The following CDS2 variants were observed in gnomAD, a reference collection of about 807,000 sequenced individuals.
The protein encoded by CDS2 is phosphatidate cytidylyltransferase 2.
Under a neutral mutation model 59.0 loss-of-function variants are expected in CDS2, and 47 were observed. That is an observed-to-expected ratio of 0.80 (90% CI 0.63 to 1.02). CDS2 has a LOEUF of 1.02. Among genes scored for constraint, CDS2 ranks in the 50% least tolerant of loss-of-function variants. The pLI is 0.00. For missense variants in CDS2, 356 were observed against 558.9 expected, an observed-to-expected ratio of 0.64 and a Z score of 3.66; for synonymous variants, 207 against 206.4, an observed-to-expected ratio of 1.00 and a Z score of -0.02.
At chr20:5,127,512 C>T (rs1262989479) in intron 1 of CDS2, among the ~76,000 whole-genome samples, 1 of 152,194 alleles carries the variant, frequency 6.6e-6, no homozygotes, top group African/African-American at 2.4e-5. Flanking sequence ...CTTAGGGAGG[C>T]GGCTCCTCTG....
intron 1 of CDS2, 150 bp from the exon 2 acceptor site, chr20:5,173,373 C>A: frequency 1.2e-6 from 1 of 801,182 alleles, no homozygotes; most frequent in Admixed American, 2.3e-5. Flanking sequence ...AGGATTGCTG[C>A]TAGTCCTGTC....
chr20:5,182,353 T>G (rs375101931), intron 5 of CDS2, 34 bp from the exon 6 acceptor site: 72 of 1,583,258 alleles, frequency 4.5e-5, no homozygotes, highest in Non-Finnish European at 6.1e-5. Flanking sequence ...CAGAACATAA[T>G]TCATTTTTCT....
chr20:5,157,205 A>G (rs527330727), intron 1 of CDS2, among the ~76,000 whole-genome samples: 55 of 152,340 alleles, frequency 3.6e-4, no homozygotes, highest in African/African-American at 1.3e-3. Context: ...GACAGTCAGC[A>G]GTTAATCTTT....
chr20:5,159,372 T>G (rs1390181444), intron 1 of CDS2, among the ~76,000 whole-genome samples: 2 of 134,740 alleles, frequency 1.5e-5, no homozygotes, highest in African/African-American at 5.6e-5. Flanking sequence ...AAATTTTATG[T>G]CAGATAATGT....
At chr20:5,153,644 G>A (rs1023083363) in intron 1 of CDS2, among the ~76,000 whole-genome samples, 1 of 152,162 alleles carries the variant, frequency 6.6e-6, no homozygotes, top group Non-Finnish European at 1.5e-5. Flanking sequence ...TGTACTGTTT[G>A]CTTTTTCCCA....
intron 10 of CDS2, chr20:5,187,524 T>G (rs2091078418): frequency 6.6e-6 from 1 of 152,232 alleles, no homozygotes; most frequent in South Asian, 2.1e-4. Context: ...TTATAATTTT[T>G]CAGACTTGGG....
intron 5 of CDS2, among the ~76,000 whole-genome samples, chr20:5,179,702 CATA>C (rs2091019837): frequency 6.6e-6 from 1 of 152,206 alleles, no homozygotes; most frequent in South Asian, 2.1e-4. Context: ...GAGCTAGGAA[CATA>C]ATATTTCTGA....
At chr20:5,168,725 T>C in intron 1 of CDS2, 2 of 488,780 alleles carry the variant, frequency 4.1e-6, no homozygotes, top group South Asian at 3.0e-5. Context: ...TCCCAGAGAG[T>C]TGATAGTGAA....
At chr20:5,151,750 CTTT>C (rs57378947) in intron 1 of CDS2, among the ~76,000 whole-genome samples, 37 of 53,186 alleles carry the variant, frequency 7.0e-4, no homozygotes, top group African/African-American at 2.1e-3. Flanking sequence ...GACTCCATGT[CTTT>C]TTTTTTTTTT....
At chr20:5,168,423 A>C (rs1349600829) in intron 1 of CDS2, among the ~76,000 whole-genome samples, 1 of 138,228 alleles carries the variant, frequency 7.2e-6, no homozygotes, top group African/African-American at 2.7e-5. Flanking sequence ...CCCCCAAAAA[A>C]AAAAAAAAAA....
intron 1 of CDS2, among the ~76,000 whole-genome samples, chr20:5,135,814 A>C (rs956449236): frequency 5.3e-5 from 8 of 152,170 alleles, no homozygotes; most frequent in Non-Finnish European, 1.2e-4. Flanking sequence ...TGTAGGCAGC[A>C]AAGGGTATTC....
At chr20:5,186,968 G>A (rs887376710) in intron 10 of CDS2, 129 bp downstream of exon 10, 2 of 1,037,288 alleles carry the variant, frequency 1.9e-6, no homozygotes, top group African/African-American at 1.6e-5. Flanking sequence ...CCAGGATGAA[G>A]GAGAATTGCT....
Position 5,175,133 on chromosome 20 carries a change from T to C in CDS2, c.195-50T>C, listed in dbSNP as rs57323513. On this transcript the variant is annotated intron_variant, in intron 2 of 12. Coordinates refer to ENST00000460006, the MANE Select transcript of CDS2 (RefSeq NM_003818.4). ...TCCCTTGAGTTTGTGCATTGGTTTT[T>C]TTCTGGGCTCCTAACTGGTGTTTTC... The C allele has an allele frequency of 3.1e-3, 4,267 of 1,396,256 alleles. 120 individuals carry two copies. The African/African-American group carries it at 0.052, about 17-fold the overall frequency. The allele number at this position is 1,396,256 out of a possible 1,614,324, so 86.5% of individuals were successfully genotyped here. A position where few individuals can be genotyped will look rare whatever the true frequency, so the allele number is the denominator to read the frequency against.
intron 1 of CDS2, among the ~76,000 whole-genome samples, chr20:5,166,299 C>T (rs1283809022): frequency 6.6e-6 from 1 of 152,072 alleles, no homozygotes; most frequent in Non-Finnish European, 1.5e-5. Flanking sequence ...AGGGTGATGG[C>T]CACCTTGTTC....
At chr20:5,181,577 G>A (rs1286403694) in intron 5 of CDS2, among the ~76,000 whole-genome samples, 3 of 152,174 alleles carry the variant, frequency 2.0e-5, no homozygotes, top group Non-Finnish European at 4.4e-5. Context: ...AATATTTTAG[G>A]CTTTGGGGAC....
intron 1 of CDS2, among the ~76,000 whole-genome samples, chr20:5,131,531 C>T (rs774925257): frequency 7.9e-5 from 12 of 152,150 alleles, no homozygotes; most frequent in Non-Finnish European, 1.8e-4. Context: ...CGGAAGTTAG[C>T]GTATAGGTTC....
At chr20:5,134,619 C>G (rs1268032497) in intron 1 of CDS2, among the ~76,000 whole-genome samples, 1 of 152,152 alleles carries the variant, frequency 6.6e-6, no homozygotes, top group Non-Finnish European at 1.5e-5. Context: ...CTCCCGAGTT[C>G]AAGTGATTCT....
At chr20:5,152,887 A>G (rs1600484994) in intron 1 of CDS2, among the ~76,000 whole-genome samples, 1 of 152,230 alleles carries the variant, frequency 6.6e-6, no homozygotes, top group Non-Finnish European at 1.5e-5. Flanking sequence ...GTCTCAAAAT[A>G]TAAGTGGAGT....
At chr20:5,157,132 C>T (rs551345748) in intron 1 of CDS2, among the ~76,000 whole-genome samples, 15 of 152,222 alleles carry the variant, frequency 9.9e-5, no homozygotes, top group African/African-American at 1.9e-4. Context: ...GTACGCAAAG[C>T]AAGGATTGGT....
Sources: gnomAD v4.1 joint callset for allele counts (sites outside exome capture counted in the v4.1 genomes callset) on GRCh38, gnomAD v4.1.1 for gene constraint, MANE v1.5 for transcripts, NCBI Gene and HGNC (gene_info 2026-07-23, HGNC 2026-07-21) for gene names.